The following KCNQ3 variants were observed in gnomAD, a reference collection of about 807,000 sequenced individuals.
KCNQ3 encodes the protein potassium voltage-gated channel subfamily Q member 3, also known as potassium voltage-gated channel subfamily KQT member 3.
Under a neutral mutation model 92.5 loss-of-function variants are expected in KCNQ3, and 30 were observed. The ratio of observed to expected loss-of-function variants is 0.32; its 90% CI spans 0.24 to 0.44. The LOEUF is 0.44. Among genes scored for constraint, KCNQ3 ranks in the 20% least tolerant of loss-of-function variants. The pLI, the probability that KCNQ3 is intolerant of heterozygous loss-of-function variation, is 1.00. For synonymous variants in KCNQ3, 450 were observed against 468.8 expected (o/e 0.96, Z 0.52); for missense variants, 913 against 1,140.3 (o/e 0.80, Z 2.87).
chr8:132,279,835 C>T (rs879822675), intron 1 of KCNQ3, among the ~76,000 whole-genome samples: 35 of 148,062 alleles, frequency 2.4e-4, no homozygotes, highest in African/African-American at 7.6e-4. Flanking sequence ...CATATATGTG[C>T]GTGTATGTGT....
intron 1 of KCNQ3, among the ~76,000 whole-genome samples, chr8:132,240,182 CTTTTT>C (rs11342824): frequency 2.7e-5 from 3 of 111,908 alleles, no homozygotes; most frequent in Non-Finnish European, 5.3e-5. Context: ...TGCCATGATT[CTTTTT>C]TTTTTTTTTT....
intron 1 of KCNQ3, among the ~76,000 whole-genome samples, chr8:132,436,781 CA>C (rs1361443894): frequency 6.6e-6 from 1 of 152,170 alleles, no homozygotes; most frequent in Non-Finnish European, 1.5e-5. Flanking sequence ...ATCAGGAAGC[CA>C]CAGAGAAAAC....
rs550089866 is a variant in KCNQ3 at position 132,232,882 on chromosome 8, TTTC to T, written c.387-46704_387-46702del. Among the ~76,000 whole-genome samples the T allele has an allele frequency of 3.9e-4, 60 of 152,326 alleles. 1 individual carries two copies. The East Asian group carries it at 9.6e-3, about 24-fold the overall frequency. ...TTCCTCATAAAAAGGTCTCCATATC[TTTC>T]TTCTTCTTTCTCGTATACAGATGGA... On this transcript the variant is annotated intron_variant, in intron 1 of 14. Transcript: ENST00000388996.
intron 1 of KCNQ3, among the ~76,000 whole-genome samples, chr8:132,216,371 C>A (rs934519584): frequency 6.6e-6 from 1 of 152,220 alleles, no homozygotes; most frequent in African/African-American, 2.4e-5. Context: ...GCCACAGGCA[C>A]TAACAAGGAC....
intron 1 of KCNQ3, among the ~76,000 whole-genome samples, chr8:132,333,514 C>G (rs1340389525): frequency 6.6e-6 from 1 of 152,044 alleles, no homozygotes; most frequent in Admixed American, 6.6e-5. Context: ...ATGTGGAAAA[C>G]AGAAATACAA....
chr8:132,309,371 C>T (rs1254070020), intron 1 of KCNQ3, among the ~76,000 whole-genome samples: 1 of 152,198 alleles, frequency 6.6e-6, no homozygotes, highest in African/African-American at 2.4e-5. Flanking sequence ...TATTAAGCAC[C>T]TACTGCATGC....
At chr8:132,209,115 G>A (rs1813767887) in intron 1 of KCNQ3, among the ~76,000 whole-genome samples, 1 of 152,132 alleles carries the variant, frequency 6.6e-6, no homozygotes, top group African/African-American at 2.4e-5. Context: ...AAGAGAGACA[G>A]GTCACTTGTG....
At chr8:132,156,598 C>T (rs1011227840) in intron 9 of KCNQ3, among the ~76,000 whole-genome samples, 2 of 152,134 alleles carry the variant, frequency 1.3e-5, no homozygotes, top group Non-Finnish European at 2.9e-5. Flanking sequence ...ATAATACAAT[C>T]TAAATCTTTC....
intron 4 of KCNQ3, among the ~76,000 whole-genome samples, chr8:132,176,018 G>A (rs190308075): frequency 6.6e-6 from 1 of 152,276 alleles, no homozygotes; most frequent in East Asian, 1.9e-4. Flanking sequence ...CAGGGTCTCT[G>A]TCCAGAGACC....
intron 1 of KCNQ3, among the ~76,000 whole-genome samples, chr8:132,435,128 G>A (rs1197861549): frequency 2.0e-5 from 3 of 152,230 alleles, no homozygotes; most frequent in Non-Finnish European, 4.4e-5. Flanking sequence ...CCCCTACACT[G>A]ACAGTTAAGA....
At chr8:132,241,571 C>T (rs1814999097) in intron 1 of KCNQ3, among the ~76,000 whole-genome samples, 1 of 152,118 alleles carries the variant, frequency 6.6e-6, no homozygotes, top group South Asian at 2.1e-4. Flanking sequence ...CAGTAGCTCA[C>T]ACCTGTTATC....
intron 1 of KCNQ3, among the ~76,000 whole-genome samples, chr8:132,366,967 A>C (rs1342375662): frequency 1.3e-5 from 2 of 152,226 alleles, no homozygotes; most frequent in Non-Finnish European, 2.9e-5. Context: ...CTTCATAAAA[A>C]AAACTTTGGA....
chr8:132,158,791 T>C (rs1170771601), intron 9 of KCNQ3, among the ~76,000 whole-genome samples: 1 of 152,200 alleles, frequency 6.6e-6, no homozygotes, highest in East Asian at 1.9e-4. Flanking sequence ...GGGGAAGCAG[T>C]CAGCATTCTT....
At chr8:132,349,537 A>G (rs1387522436) in intron 1 of KCNQ3, among the ~76,000 whole-genome samples, 1 of 152,268 alleles carries the variant, frequency 6.6e-6, no homozygotes. Context: ...CTAATAAAAT[A>G]TTATAAGATG....
chr8:132,244,412 A>C (rs996088017), intron 1 of KCNQ3, among the ~76,000 whole-genome samples: 4 of 152,028 alleles, frequency 2.6e-5, no homozygotes, highest in African/African-American at 7.2e-5. Flanking sequence ...AGGAAAGAGA[A>C]AAGAAGGAAG....
At position 132,455,744 on chromosome 8, in the gene KCNQ3, T is replaced by G. The variant is rs144763054; in HGVS notation, c.386+24403A>C. Reference sequence around the variant, plus strand: ...GGCACCCTTAGAGGTGGATACTTTTTTTTGTTTGTTTGTTTGAGACAGAGT... The same window carrying G: ...GGCACCCTTAGAGGTGGATACTTTTGTTTGTTTGTTTGTTTGAGACAGAGT... On this transcript the variant is annotated intron_variant, in intron 1 of 14. Coordinates refer to ENST00000388996, the MANE Select transcript of KCNQ3 (RefSeq NM_004519.4). Among the ~76,000 whole-genome samples, 1,326 of 152,176 alleles carry G rather than the reference T, an allele frequency of 8.7e-3. 7 individuals carry two copies. The highest frequency in any genetic ancestry group is 0.014 in the Middle Eastern group (4 of 294).
At chr8:132,205,269 A>T (rs551259771) in intron 1 of KCNQ3, among the ~76,000 whole-genome samples, 76 of 152,370 alleles carry the variant, frequency 5.0e-4, no homozygotes, top group African/African-American at 1.8e-3. Context: ...AATCTGCATG[A>T]TCTTCTAAGG....
intron 1 of KCNQ3, among the ~76,000 whole-genome samples, chr8:132,243,603 G>A (rs1815062602): frequency 6.6e-6 from 1 of 152,224 alleles, no homozygotes; most frequent in African/African-American, 2.4e-5. Context: ...AGACAAGAGT[G>A]CCTCATGGAA....
intron 1 of KCNQ3, among the ~76,000 whole-genome samples, chr8:132,249,146 T>G (rs1815299854): frequency 6.6e-6 from 1 of 151,828 alleles, no homozygotes; most frequent in South Asian, 2.1e-4. Flanking sequence ...ACCCAAAGAG[T>G]GAGCAGCAAC....
Sources: gnomAD v4.1 joint callset for allele counts (sites outside exome capture counted in the v4.1 genomes callset) on GRCh38, gnomAD v4.1.1 for gene constraint, MANE v1.5 for transcripts, NCBI Gene and HGNC (gene_info 2026-07-23, HGNC 2026-07-21) for gene names.